Variants in GRID2 observed in about 807,000 individuals in gnomAD.
The protein encoded by GRID2 is glutamate ionotropic receptor delta type subunit 2, also known as glutamate receptor ionotropic, delta-2.
Under a neutral mutation model 114.8 loss-of-function variants are expected in GRID2, and 33 were observed. The ratio of observed to expected loss-of-function variants is 0.29; its 90% CI spans 0.22 to 0.38. The LOEUF is 0.38. Among genes scored for constraint, GRID2 ranks in the 10% least tolerant of loss-of-function variants. The pLI, the probability that GRID2 is intolerant of heterozygous loss-of-function variation, is 1.00. For missense variants in GRID2, 1,184 were observed against 1,257.7 expected, an observed-to-expected ratio of 0.94 and a Z score of 0.89; for synonymous variants, 505 against 449.9, an observed-to-expected ratio of 1.12 and a Z score of -1.55.
intron 13 of GRID2, among the ~76,000 whole-genome samples, chr4:93,608,272 T>C (rs1356845719): frequency 6.7e-6 from 1 of 148,184 alleles, no homozygotes; most frequent in African/African-American, 2.5e-5. Context: ...AACTATTTAG[T>C]CCAACTGAAA....
intron 2 of GRID2, among the ~76,000 whole-genome samples, chr4:92,736,933 G>C (rs1736628877): frequency 6.6e-6 from 1 of 152,074 alleles, no homozygotes; most frequent in African/African-American, 2.4e-5. Context: ...CTGAGAGATG[G>C]TTGCTTGGAG....
At chr4:92,908,784 C>CT (rs1748154717) in intron 2 of GRID2, among the ~76,000 whole-genome samples, 1 of 152,064 alleles carries the variant, frequency 6.6e-6, no homozygotes, top group African/African-American at 2.4e-5. Context: ...AACAGACATA[C>CT]TTTTCTTTTA....
intron 1 of GRID2, among the ~76,000 whole-genome samples, chr4:92,475,571 A>G (rs1224560218): frequency 6.6e-6 from 1 of 151,820 alleles, no homozygotes; most frequent in African/African-American, 2.4e-5. Flanking sequence ...TTTGGTTACT[A>G]TAGCTTTGTA....
intron 13 of GRID2, among the ~76,000 whole-genome samples, chr4:93,559,401 A>G (rs2149559457): frequency 6.6e-6 from 1 of 152,322 alleles, no homozygotes; most frequent in East Asian, 1.9e-4. Flanking sequence ...AAAAAACCCC[A>G]TCAAAAAGTA....
At chr4:93,009,399 A>G (rs962619161) in intron 2 of GRID2, among the ~76,000 whole-genome samples, 1 of 152,120 alleles carries the variant, frequency 6.6e-6, no homozygotes, top group African/African-American at 2.4e-5. Flanking sequence ...CTCAACACCA[A>G]CCTCACCATC....
intron 2 of GRID2, among the ~76,000 whole-genome samples, chr4:92,628,785 G>T (rs776810141): frequency 6.6e-6 from 1 of 152,008 alleles, no homozygotes; most frequent in Non-Finnish European, 1.5e-5. Context: ...TATTATTATT[G>T]TTCCTCCCAT....
intron 1 of GRID2, among the ~76,000 whole-genome samples, chr4:92,499,669 A>G (rs1465185764): frequency 6.6e-6 from 1 of 152,128 alleles, no homozygotes; most frequent in Non-Finnish European, 1.5e-5. Context: ...CTGGAGTGCA[A>G]TGGCGTGATC....
chr4:92,528,340 A>G (rs966570832), intron 1 of GRID2, among the ~76,000 whole-genome samples: 6 of 150,664 alleles, frequency 4.0e-5, no homozygotes, highest in Admixed American at 1.3e-4. Context: ...CTATACATAT[A>G]TAGTAATTAT....
intron 8 of GRID2, among the ~76,000 whole-genome samples, chr4:93,349,001 C>A (rs892519499): frequency 1.3e-5 from 2 of 152,104 alleles, no homozygotes; most frequent in Non-Finnish European, 2.9e-5. Flanking sequence ...ATTCTTCTCT[C>A]TTGCTGCTGA....
chr4:92,504,501 T>C (rs1163030933), intron 1 of GRID2, among the ~76,000 whole-genome samples: 2 of 152,038 alleles, frequency 1.3e-5, no homozygotes, highest in African/African-American at 4.8e-5. Context: ...CCAATTGTAT[T>C]TGGAGTTCCT....
intron 5 of GRID2, among the ~76,000 whole-genome samples, chr4:93,210,083 G>C (rs1473022307): frequency 6.6e-6 from 1 of 151,996 alleles, no homozygotes; most frequent in African/African-American, 2.4e-5. Flanking sequence ...CTTTTGCTGT[G>C]CATAAGCTCG....
chr4:92,738,463 G>A (rs1038377514), intron 2 of GRID2, among the ~76,000 whole-genome samples: 2 of 152,136 alleles, frequency 1.3e-5, no homozygotes, highest in East Asian at 1.9e-4. Context: ...CATCTATTAT[G>A]TGTTGGCTAG....
intron 4 of GRID2, among the ~76,000 whole-genome samples, chr4:93,136,351 C>T (rs568299301): frequency 4.6e-5 from 7 of 151,766 alleles, no homozygotes; most frequent in African/African-American, 1.7e-4. Flanking sequence ...AGACAGTGGA[C>T]TTTCTAGTAG....
intron 8 of GRID2, among the ~76,000 whole-genome samples, chr4:93,338,392 C>A (rs942258020): frequency 6.6e-6 from 1 of 151,990 alleles, no homozygotes; most frequent in Admixed American, 6.6e-5. Context: ...TTTGCCATAG[C>A]GAAGCATGCA....
intron 2 of GRID2, among the ~76,000 whole-genome samples, chr4:93,073,993 G>A (rs1364737737): frequency 6.6e-6 from 1 of 152,226 alleles, no homozygotes; most frequent in Non-Finnish European, 1.5e-5. Flanking sequence ...AAGACTCACA[G>A]AGGACAGAGG....
At chr4:92,334,894 G>A (rs1448507171) in intron 1 of GRID2, among the ~76,000 whole-genome samples, 1 of 152,210 alleles carries the variant, frequency 6.6e-6, no homozygotes, top group Non-Finnish European at 1.5e-5. Context: ...GCCAAGTTTT[G>A]ATAGTACTGT....
chr4:93,704,252 A>G (rs1397322197), intron 14 of GRID2, among the ~76,000 whole-genome samples: 2 of 152,124 alleles, frequency 1.3e-5, no homozygotes, highest in Non-Finnish European at 2.9e-5. Flanking sequence ...GCCAGTGATG[A>G]TGAGCATTTT....
intron 14 of GRID2, among the ~76,000 whole-genome samples, chr4:93,706,514 A>G (rs551266659): frequency 1.3e-5 from 2 of 152,100 alleles, no homozygotes; most frequent in South Asian, 2.1e-4. Context: ...GCTTTTTCAG[A>G]TTGTTCACTG....
chr4:93,631,283 T>C (rs1016500418), intron 14 of GRID2, among the ~76,000 whole-genome samples: 2 of 152,068 alleles, frequency 1.3e-5, no homozygotes, highest in African/African-American at 4.8e-5. Context: ...TTGTTACATA[T>C]GTATACATGT....
Sources: gnomAD v4.1 joint callset for allele counts (sites outside exome capture counted in the v4.1 genomes callset) on GRCh38, gnomAD v4.1.1 for gene constraint, MANE v1.5 for transcripts, NCBI Gene and HGNC (gene_info 2026-07-23, HGNC 2026-07-21) for gene names.